The following USP48 variants were observed in gnomAD, a reference collection of about 807,000 sequenced individuals.
The protein encoded by USP48 is ubiquitin carboxyl-terminal hydrolase 48.
Under a neutral mutation model 150.7 loss-of-function variants are expected in USP48, and 43 were observed. The ratio of observed to expected loss-of-function variants is 0.29; its 90% CI spans 0.22 to 0.37. The LOEUF is 0.37. USP48 is among the 10% of genes least tolerant of loss of function. The probability of loss-of-function intolerance (pLI) is 1.00; values close to 1 mark genes in which losing one functional copy is unlikely to be tolerated. For synonymous variants in USP48, 396 were observed against 425.9 expected (o/e 0.93, Z 0.86); for missense variants, 813 against 1,249.6 (o/e 0.65, Z 5.27).
At chr1:21,779,963 C>T (rs1454900435) in intron 1 of USP48, among the ~76,000 whole-genome samples, 1 of 152,186 alleles carries the variant, frequency 6.6e-6, no homozygotes, top group Non-Finnish European at 1.5e-5. Flanking sequence ...TCATACATCA[C>T]TGGTGGGAAT....
chr1:21,753,823 TA>T (rs11308463), intron 3 of USP48, among the ~76,000 whole-genome samples: 13,165 of 86,614 alleles, frequency 0.15, 741 homozygotes, highest in African/African-American at 0.25. Context: ...CGAGACTCTT[TA>T]AAAAAAAAAA....
intron 1 of USP48, among the ~76,000 whole-genome samples, chr1:21,769,919 A>T (rs1022149095): frequency 6.6e-6 from 1 of 152,170 alleles, no homozygotes; most frequent in Non-Finnish European, 1.5e-5. Context: ...ATATATATGC[A>T]GAATGTTCAC....
At chr1:21,713,304 TTGCCATGA>T (rs2097695455) in intron 15 of USP48, among the ~76,000 whole-genome samples, 1 of 152,100 alleles carries the variant, frequency 6.6e-6, no homozygotes, top group Non-Finnish European at 1.5e-5. Flanking sequence ...AGATGGGGTC[TTGCCATGA>T]TGCCAAGGCT....
intron 1 of USP48, among the ~76,000 whole-genome samples, chr1:21,766,756 A>T (rs1248897320): frequency 6.6e-6 from 1 of 151,572 alleles, no homozygotes; most frequent in Non-Finnish European, 1.5e-5. Context: ...TGCAACCTCT[A>T]CCTAACGGGC....
intron 11 of USP48, chr1:21,728,067 A>C (rs2097744427): frequency 2.0e-6 from 2 of 985,502 alleles, no homozygotes; most frequent in African/African-American, 3.5e-5. Flanking sequence ...ATTATGTGGG[A>C]TATTTCTAAG....
chr1:21,686,853 G>T, intron 25 of USP48: 1 of 255,590 alleles, frequency 3.9e-6, no homozygotes. Context: ...TTCTTTTTAG[G>T]CTCACAATTC....
At chr1:21,730,314 G>A (rs868805207) in intron 9 of USP48, among the ~76,000 whole-genome samples, 2 of 151,930 alleles carry the variant, frequency 1.3e-5, no homozygotes, top group Admixed American at 6.6e-5. Context: ...GTGGTGGTGC[G>A]CACCTGCAGT....
chr1:21,752,509 A>C lies in USP48; in HGVS notation c.665+18T>G. On this transcript the variant is annotated intron_variant, in intron 5 of 26. Transcript: ENST00000308271. The stretch of plus-strand genomic sequence containing the variant: ...TCTTAGAATAAAATGTACCATGAAA[A>C]AGTTGAAACAGACTTACACAGTTAC... 2 of 1,603,656 alleles carry C rather than the reference A, an allele frequency of 1.2e-6. No individual in the cohort carries two copies. Among genetic ancestry groups the C allele is most frequent in the Non-Finnish European group, 1.7e-6 (2 of 1,177,794 alleles).
chr1:21,727,843 A>G, intron 11 of USP48: 1 of 969,864 alleles, frequency 1.0e-6, no homozygotes, highest in Non-Finnish European at 1.2e-6. Context: ...GACAAACCAC[A>G]AGTACAATTA....
chr1:21,679,577 G>C (rs147733412), intron 26 of USP48, 138 bp from the exon 27 acceptor site: 3 of 1,062,748 alleles, frequency 2.8e-6, no homozygotes, highest in Admixed American at 2.2e-5. Flanking sequence ...GGTGTGGGAG[G>C]ATAAGACAAA....
intron 14 of USP48, among the ~76,000 whole-genome samples, chr1:21,716,187 C>T (rs1332645518): frequency 6.6e-6 from 1 of 152,146 alleles, no homozygotes; most frequent in Non-Finnish European, 1.5e-5. Context: ...CAAGAACTTA[C>T]TTCCACCGTT....
chr1:21,712,816 T>C (rs2097693864), intron 15 of USP48, among the ~76,000 whole-genome samples: 1 of 151,804 alleles, frequency 6.6e-6, no homozygotes, highest in Non-Finnish European at 1.5e-5. Flanking sequence ...TTTGTAGAGA[T>C]GGGGTTTCAC....
chr1:21,708,711 G>A (rs1273237048), intron 15 of USP48, among the ~76,000 whole-genome samples: 1 of 151,252 alleles, frequency 6.6e-6, no homozygotes, highest in Admixed American at 6.6e-5. Context: ...GTGAAACCCT[G>A]TCTCTACTAA....
At chr1:21,782,764 C>A (rs1367581537) in intron 1 of USP48, 60 bp downstream of exon 1, 4 of 1,481,182 alleles carry the variant, frequency 2.7e-6, no homozygotes, top group East Asian at 2.8e-5. Flanking sequence ...TCCCCTACCC[C>A]GCCCGGGCTT....
intron 11 of USP48, among the ~76,000 whole-genome samples, chr1:21,725,866 C>G (rs2097735666): frequency 6.6e-6 from 1 of 152,088 alleles, no homozygotes; most frequent in Non-Finnish European, 1.5e-5. Context: ...ACTTTATTTG[C>G]CATTTATCAA....
rs113045531 is a variant in USP48 at position 21,711,473 on chromosome 1, G to C, written c.1963+3916C>G. On this transcript the variant is annotated intron_variant, in intron 15 of 26. Transcript: ENST00000308271. ...CCCTGAACAGGGGACACAAAACACA[G>C]AGACAAATGAAGTGACAAGCTGAGA... Among the ~76,000 whole-genome samples, 639 of 152,252 alleles carry C rather than the reference G, an allele frequency of 4.2e-3. 4 individuals are homozygous for C. Among genetic ancestry groups the C allele is most frequent in the African/African-American group, 0.015 (616 of 41,556 alleles).
chr1:21,742,380 C>T (rs1321708360), intron 8 of USP48, among the ~76,000 whole-genome samples: 3 of 151,880 alleles, frequency 2.0e-5, no homozygotes, highest in Non-Finnish European at 4.4e-5. Flanking sequence ...CTTGTCTCTA[C>T]TAAAAATACC....
chr1:21,765,946 A>C (rs2097861190), intron 1 of USP48, among the ~76,000 whole-genome samples: 1 of 147,816 alleles, frequency 6.8e-6, no homozygotes, highest in Admixed American at 6.8e-5. Context: ...AAGGCAATTC[A>C]GTGGGAATAG....
intron 8 of USP48, among the ~76,000 whole-genome samples, chr1:21,744,513 C>T (rs368687792): frequency 1.5e-4 from 22 of 150,990 alleles, no homozygotes; most frequent in Non-Finnish European, 2.8e-4. Flanking sequence ...CGGTGGGTCA[C>T]GCCTGTAATT....
Sources: gnomAD v4.1 joint callset for allele counts (sites outside exome capture counted in the v4.1 genomes callset) on GRCh38, gnomAD v4.1.1 for gene constraint, MANE v1.5 for transcripts, NCBI Gene and HGNC (gene_info 2026-07-23, HGNC 2026-07-21) for gene names.